Variants in KANSL1 observed in about 807,000 individuals in gnomAD.
The protein encoded by KANSL1 is MLL1/MLL complex subunit KANSL1.
Under a neutral mutation model 103.6 loss-of-function variants are expected in KANSL1, and 22 were observed. The observed-to-expected ratio is 0.21, with a 90% confidence interval of 0.15 to 0.30. The LOEUF (loss-of-function observed/expected upper bound fraction) is 0.30. KANSL1 is among the 10% of genes least tolerant of loss of function. The probability of loss-of-function intolerance (pLI) is 1.00; values close to 1 mark genes in which losing one functional copy is unlikely to be tolerated. For synonymous variants in KANSL1, 600 were observed against 527.6 expected, an observed-to-expected ratio of 1.14 and a Z score of -1.88; for missense variants, 1,337 against 1,399.8, an observed-to-expected ratio of 0.96 and a Z score of 0.72.
chr17:46,094,794 C>G, intron 2 of KANSL1, 93 bp from the exon 3 acceptor site: 2 of 1,415,672 alleles, frequency 1.4e-6, no homozygotes, highest in Admixed American at 1.8e-5. Flanking sequence ...TTTAAAGGCC[C>G]TTGCAGAGAC....
At chr17:46,130,187 C>CAAAAAA (rs35017603) in intron 2 of KANSL1, among the ~76,000 whole-genome samples, 25 of 75,448 alleles carry the variant, frequency 3.3e-4, no homozygotes, top group Middle Eastern at 0.011. Flanking sequence ...ATCCTGTCTC[C>CAAAAAA]AAAAAAAAAA....
Position 46,170,911 on chromosome 17 carries a change from A to G in KANSL1, c.1233T>C (p.Ser411=). ...DVTDSSSGGE[S]DIEEEELTRA... ...TGGTCAGTTCTTCCTCTTCAATATCAGACTCCCCTCCTGAACTACTGTCAG... is the reference window on the plus strand; with the variant it reads ...TGGTCAGTTCTTCCTCTTCAATATCGGACTCCCCTCCTGAACTACTGTCAG... Residue 411 remains serine (S), a synonymous_variant, in exon 2 of 15, where the codon TCT becomes TCC. Transcript: ENST00000432791. 6.2e-7 allele frequency: 1 copy of G among 1,614,054 alleles called. No individual in the cohort carries two copies. The highest frequency in any genetic ancestry group is 8.5e-7 in the Non-Finnish European group (1 of 1,180,008).
intron 6 of KANSL1, among the ~76,000 whole-genome samples, chr17:46,061,674 A>G (rs945889988): frequency 1.3e-5 from 2 of 152,184 alleles, no homozygotes. Flanking sequence ...TATTCCTTAG[A>G]TTACATTTAA....
At chr17:46,056,121 C>T (rs1192686278) in intron 6 of KANSL1, among the ~76,000 whole-genome samples, 1 of 152,106 alleles carries the variant, frequency 6.6e-6, no homozygotes, top group African/African-American at 2.4e-5. Flanking sequence ...CCTTAGCCTC[C>T]CAAGTAGGTG....
chr17:46,178,126 TC>T (rs1222465372), intron 1 of KANSL1, among the ~76,000 whole-genome samples: 1 of 152,022 alleles, frequency 6.6e-6, no homozygotes, highest in Non-Finnish European at 1.5e-5. Flanking sequence ...ATGATTCCTA[TC>T]CCACTTGACC....
At chr17:46,040,539 A>G (rs2077279633) in intron 7 of KANSL1, 1 of 152,258 alleles carries the variant, frequency 6.6e-6, no homozygotes, top group African/African-American at 2.4e-5. Context: ...TAGAAAAGGA[A>G]TTTCTAGATT....
intron 6 of KANSL1, among the ~76,000 whole-genome samples, chr17:46,059,079 A>G (rs1282199756): frequency 6.6e-6 from 1 of 151,870 alleles, no homozygotes. Flanking sequence ...AGAAAAAAAA[A>G]AGAGCAGAGC....
intron 6 of KANSL1, among the ~76,000 whole-genome samples, chr17:46,060,336 A>G (rs2078113070): frequency 1.3e-5 from 2 of 152,228 alleles, no homozygotes; most frequent in Admixed American, 6.5e-5. Context: ...ATCACAATCA[A>G]GCATATCCCA....
At chr17:46,098,183 G>C (rs565698056) in intron 2 of KANSL1, among the ~76,000 whole-genome samples, 2 of 150,130 alleles carry the variant, frequency 1.3e-5, no homozygotes, top group South Asian at 4.1e-4. Flanking sequence ...TACCCACAAA[G>C]AGACAAAACT....
intron 2 of KANSL1, among the ~76,000 whole-genome samples, chr17:46,134,845 C>CAA (rs112421165): frequency 5.5e-5 from 8 of 145,922 alleles, no homozygotes; most frequent in South Asian, 2.1e-4. Context: ...ACTCGGTCTC[C>CAA]AAAAAAAAAA....
upstream of KANSL1, among the ~76,000 whole-genome samples, chr17:46,198,230 G>A (rs921973590): frequency 5.3e-5 from 8 of 152,106 alleles, no homozygotes; most frequent in Non-Finnish European, 1.2e-4. Context: ...GGCAAAGTAC[G>A]TATTCTGCTC....
intron 6 of KANSL1, among the ~76,000 whole-genome samples, chr17:46,057,284 A>G (rs921693136): frequency 2.0e-5 from 3 of 152,164 alleles, no homozygotes; most frequent in Non-Finnish European, 4.4e-5. Flanking sequence ...CCCCTTCATG[A>G]AAAACTTCAG....
chr17:46,070,658 GTTTCC>G (rs1159203455), intron 4 of KANSL1, among the ~76,000 whole-genome samples: 1 of 151,980 alleles, frequency 6.6e-6, no homozygotes, highest in Non-Finnish European at 1.5e-5. Flanking sequence ...AGATGAAAAA[GTTTCC>G]TTTCAATAGA....
intron 2 of KANSL1, among the ~76,000 whole-genome samples, chr17:46,147,621 G>C (rs1225013831): frequency 6.8e-6 from 1 of 146,764 alleles, no homozygotes; most frequent in African/African-American, 2.5e-5. Context: ...AAGAGGCAGA[G>C]AGAGAGAGAA....
rs1412343610 is a variant in KANSL1, at chr17:46,193,330, GCC to G, written c.-599_-598del. 3.2e-5 allele frequency: 5 copies of G among 157,650 alleles called. No individual in the cohort carries two copies. The highest frequency in any genetic ancestry group is 9.7e-5 in the African/African-American group (4 of 41,308). The allele number at this position is 157,650 out of a possible 1,614,324, so 9.8% of individuals were successfully genotyped here. Reference sequence around the variant, plus strand: ...CTTCGCTACGGTGCTCGGTTCTCCCGCCGGCTCGGCGAGCGGTGGCGGCGGTG... The same window carrying G: ...CTTCGCTACGGTGCTCGGTTCTCCCGGGCTCGGCGAGCGGTGGCGGCGGTG... On this transcript the variant is annotated 5_prime_UTR_variant, in exon 1 of 15. Coordinates refer to ENST00000432791, the MANE Select transcript of KANSL1 (RefSeq NM_015443.4).
chr17:46,093,198 T>C (rs1051940245), intron 3 of KANSL1: 5 of 152,190 alleles, frequency 3.3e-5, no homozygotes, highest in African/African-American at 1.2e-4. Context: ...GTTTTTCTCC[T>C]CAGTACAGGC....
At position 46,067,620 on chromosome 17, in the gene KANSL1, A is replaced by G; in HGVS notation, c.1581T>C (p.Ile527=). The G allele has an allele frequency of 1.9e-6, 3 of 1,607,468 alleles. No individual in the cohort carries two copies. Among genetic ancestry groups the G allele is most frequent in the Non-Finnish European group, 2.6e-6 (3 of 1,173,942 alleles). Residue 527 remains isoleucine (I), a synonymous_variant, in exon 5 of 15, where the codon ATT becomes ATC. Transcript: ENST00000432791. ...TAGACAGTGACTCTGAAATATGACC[A>G]ATAATAGGGGCACCATGGTTTTCCA... is the stretch of plus-strand genomic sequence containing the variant. ...QPLENHGAPI[I]GHISESLSTK... is the part of the protein sequence containing the mutation.
chr17:46,099,240 C>T (rs1370780363), intron 2 of KANSL1, among the ~76,000 whole-genome samples: 3 of 131,994 alleles, frequency 2.3e-5, no homozygotes, highest in East Asian at 2.0e-4. Flanking sequence ...AGGAGAATGG[C>T]GTGAACCCGG....
chr17:46,063,912 TA>T (rs371060593), intron 6 of KANSL1, among the ~76,000 whole-genome samples: 2,660 of 110,332 alleles, frequency 0.024, 36 homozygotes, highest in Non-Finnish European at 0.047. Flanking sequence ...TTTTTTTTTT[TA>T]AAATGTAAAA....
Sources: gnomAD v4.1 joint callset for allele counts (sites outside exome capture counted in the v4.1 genomes callset) on GRCh38, gnomAD v4.1.1 for gene constraint, MANE v1.5 for transcripts, NCBI Gene and HGNC (gene_info 2026-07-23, HGNC 2026-07-21) for gene names.